Variants in PHKA2 observed in about 807,000 individuals in gnomAD.
PHKA2 encodes the protein phosphorylase b kinase regulatory subunit alpha, liver isoform.
Under a neutral mutation model 102.0 loss-of-function variants are expected in PHKA2, and 31 were observed. The ratio of observed to expected loss-of-function variants is 0.30; its 90% CI spans 0.23 to 0.41. The LOEUF (loss-of-function observed/expected upper bound fraction) is 0.41, where lower values mean the gene tolerates loss of function less well. Among genes scored for constraint, PHKA2 ranks in the 10% least tolerant of loss-of-function variants. PHKA2 has a pLI of 1.00. For synonymous variants in PHKA2, 455 were observed against 416.2 expected, an observed-to-expected ratio of 1.09 and a Z score of -1.13; for missense variants, 858 against 1,023.1, an observed-to-expected ratio of 0.84 and a Z score of 2.20.
chrX:18,903,196 T>C (rs1236228368), intron 26 of PHKA2, among the ~76,000 whole-genome samples: 1 of 112,697 alleles, frequency 8.9e-6, no homozygotes, highest in African/African-American at 3.2e-5. Context: ...CGTGAATGTC[T>C]CTCCCTGGCA....
In PHKA2 at chrX:18,893,193, A is replaced by G; in HGVS notation, c.*292T>C. ...TGCACTCAAAAGAGACCAATTTCCA[A>G]TTCCTCCTCAGAGTCCGTGAGACCA... On this transcript the variant is annotated 3_prime_UTR_variant, in exon 33 of 33. Coordinates refer to ENST00000379942, the MANE Select transcript of PHKA2 (RefSeq NM_000292.3). 1 of 375,665 alleles carries G rather than the reference A, an allele frequency of 2.7e-6. No homozygotes were observed. The highest frequency in any genetic ancestry group is 3.8e-5 in the South Asian group (1 of 26,588). 31.0% of individuals were successfully genotyped at this position (375,665 alleles called of 1,213,427 possible). A position where few individuals can be genotyped will look rare whatever the true frequency, so the allele number is the denominator to read the frequency against.
intron 18 of PHKA2, among the ~76,000 whole-genome samples, chrX:18,919,746 A>AAG (rs58839160): frequency 0.025 from 2,583 of 103,097 alleles, 138 homozygotes; most frequent in African/African-American, 0.089. Flanking sequence ...AAAAAAAAAA[A>AAG]AGAGAGAGAG....
At chrX:18,921,538 A>G (rs1168218344) in intron 17 of PHKA2, among the ~76,000 whole-genome samples, 1 of 112,635 alleles carries the variant, frequency 8.9e-6, no homozygotes, top group East Asian at 2.7e-4. Context: ...TTACATAGTT[A>G]TAACTCCTAT....
chrX:18,910,939 G>A lies in PHKA2; in HGVS notation c.2159C>T (p.Thr720Ile), dbSNP rs768855589. 8.5e-7 allele frequency: 1 copy of A among 1,180,551 alleles called. No individual in the cohort carries two copies. The highest frequency in any genetic ancestry group is 3.0e-5 in the East Asian group (1 of 32,962). The change falls in exon 20 of 33, where the codon ACT becomes ATT. Residue 720 changes from threonine to isoleucine, a missense_variant. This residue lies in a region of PHKA2 where 671 missense variants were observed against 745.2 expected (regional missense o/e 0.90). Transcript: ENST00000379942. The stretch of plus-strand genomic sequence containing the variant: ...TTTACGGTGGGCACTTAGAACTTTA[G>A]TCGGCAAAGTCATGGGAACAACTGG... Reference protein sequence around the residue: ...EVPFVPMTLPTKVLSAHRKSL... With the variant: ...EVPFVPMTLPIKVLSAHRKSL...
chrX:18,937,475 G>A (rs934676467), intron 10 of PHKA2, among the ~76,000 whole-genome samples: 9 of 111,552 alleles, frequency 8.1e-5, no homozygotes, highest in African/African-American at 2.9e-4. Flanking sequence ...GACCCATGCT[G>A]TTATAGTTGT....
At chrX:18,913,562 C>G (rs895966217) in intron 19 of PHKA2, among the ~76,000 whole-genome samples, 1 of 109,375 alleles carries the variant, frequency 9.1e-6, no homozygotes, top group African/African-American at 3.3e-5. Context: ...TGTGCCTCCA[C>G]GCCCAGCTAA....
At chrX:18,941,158 T>C (rs187696473) in intron 8 of PHKA2, among the ~76,000 whole-genome samples, 286 of 112,385 alleles carry the variant, frequency 2.5e-3, no homozygotes, top group African/African-American at 8.9e-3. Flanking sequence ...AACTTTGGGA[T>C]TGGCAAGTCC....
chrX:18,914,518 G>A (rs1670745150), intron 19 of PHKA2, among the ~76,000 whole-genome samples: 1 of 111,425 alleles, frequency 9.0e-6, no homozygotes, highest in African/African-American at 3.3e-5. Flanking sequence ...CTGGGGCCTA[G>A]AAGGGGTGTC....
intron 7 of PHKA2, among the ~76,000 whole-genome samples, chrX:18,942,505 G>A (rs2048509152): frequency 9.0e-6 from 1 of 111,207 alleles, no homozygotes. Flanking sequence ...AGGCCCAGCT[G>A]GCTGCAAAGC....
intron 17 of PHKA2, among the ~76,000 whole-genome samples, chrX:18,921,390 T>A (rs1478023311): frequency 1.8e-5 from 2 of 110,784 alleles, no homozygotes; most frequent in East Asian, 5.6e-4. Flanking sequence ...CGCGCCACTG[T>A]ACTCCAGCCT....
chrX:18,958,901 G>C (rs2048824398), intron 1 of PHKA2, among the ~76,000 whole-genome samples: 1 of 111,568 alleles, frequency 9.0e-6, no homozygotes, highest in Non-Finnish European at 1.9e-5. Flanking sequence ...GTAGAGACAG[G>C]GTTTTCCCAT....
rs149632860 is a variant in PHKA2 at position 18,894,339 on chromosome X, G to A, written c.3402C>T (p.Pro1134=). ...VESVLNRVPQ[P]EYRQLLVEAI... is the part of the protein sequence containing the mutation. ...CTTCCACCAGCAGCTGCCGGTACTC[G>A]GGCTGCGGCACGCGGTTCAGCACCG... Residue 1134 remains proline, a synonymous_variant, in exon 32 of 33, where the codon CCC becomes CCT. Transcript: ENST00000379942. 94 of 1,209,844 alleles carry A rather than the reference G, an allele frequency of 7.8e-5. No homozygotes were observed. In the African/African-American group the frequency reaches 9.9e-4, roughly 13 times the overall value.
chrX:18,908,192 C>A, intron 21 of PHKA2, 136 bp from the exon 22 acceptor site: 1 of 625,129 alleles, frequency 1.6e-6, no homozygotes, highest in Non-Finnish European at 2.7e-6. Context: ...TACGCCCGAC[C>A]AAAGCTTCCC....
chrX:18,922,986 C>G (rs1442644841), intron 17 of PHKA2, among the ~76,000 whole-genome samples: 1 of 108,067 alleles, frequency 9.3e-6, no homozygotes, highest in Non-Finnish European at 1.9e-5. Context: ...AGGGACCAAA[C>G]AGAAGCCTCC....
At chrX:18,953,912 G>C (rs968242752) in intron 2 of PHKA2, among the ~76,000 whole-genome samples, 5 of 111,232 alleles carry the variant, frequency 4.5e-5, no homozygotes, top group African/African-American at 1.6e-4. Context: ...CTTGAAACCG[G>C]GAGGCGGAGG....
chrX:18,967,083 G>C (rs1412161554), intron 1 of PHKA2, among the ~76,000 whole-genome samples: 2 of 111,326 alleles, frequency 1.8e-5, no homozygotes, highest in African/African-American at 6.5e-5. Context: ...AAGACTCCTA[G>C]GCTGCCGACT....
intron 31 of PHKA2, 73 bp downstream of exon 31, chrX:18,895,065 G>A (rs1265283694): frequency 1.0e-6 from 1 of 978,473 alleles, no homozygotes; most frequent in Admixed American, 2.2e-5. Flanking sequence ...AGCACAAGAG[G>A]TCAGAGTCCA....
chrX:18,948,240 G>A (rs773081137), intron 5 of PHKA2, among the ~76,000 whole-genome samples: 39 of 112,290 alleles, frequency 3.5e-4, no homozygotes, highest in African/African-American at 1.6e-4. Flanking sequence ...TTGGGAGGCC[G>A]AGGCAGGAGG....
intron 26 of PHKA2, among the ~76,000 whole-genome samples, chrX:18,905,321 G>A (rs751569735): frequency 6.1e-4 from 68 of 111,806 alleles, no homozygotes; most frequent in Non-Finnish European, 1.1e-3. Context: ...TTACAGGCGC[G>A]CGCCACCACG....
Sources: allele counts gnomAD v4.1 joint callset (sites outside exome capture counted in the v4.1 genomes callset), GRCh38; gene constraint gnomAD v4.1.1; regional missense constraint gnomAD v4.1.1; transcripts MANE v1.5; gene names NCBI Gene and HGNC (gene_info 2026-07-23, HGNC 2026-07-21).